The following MORC1 variants were observed in gnomAD, a reference collection of about 807,000 sequenced individuals.
The protein encoded by MORC1 is MORC family CW-type zinc finger 1, also known as MORC family CW-type zinc finger protein 1.
Under a neutral mutation model 134.9 loss-of-function variants are expected in MORC1, and 59 were observed. The ratio of observed to expected loss-of-function variants is 0.44; its 90% CI spans 0.35 to 0.54. The LOEUF (loss-of-function observed/expected upper bound fraction) is 0.54, where lower values mean the gene tolerates loss of function less well. Ranked by LOEUF, MORC1 falls within the 20% of genes least tolerant of loss-of-function variation. The probability of loss-of-function intolerance (pLI) is 0.00; values close to 1 mark genes in which losing one functional copy is unlikely to be tolerated. For synonymous variants in MORC1, 395 were observed against 391.7 expected (o/e 1.01, Z -0.10); for missense variants, 947 against 1,134.5 (o/e 0.83, Z 2.37).
At chr3:109,027,930 AT>A in intron 16 of MORC1, 41 bp from the exon 17 acceptor site, 1 of 1,595,876 alleles carries the variant, frequency 6.3e-7, no homozygotes, top group Non-Finnish European at 8.6e-7. Flanking sequence ...CAGGAGAAAT[AT>A]AAAACTACTT....
At chr3:109,011,263 T>C (rs943223151) in intron 17 of MORC1, among the ~76,000 whole-genome samples, 10 of 152,308 alleles carry the variant, frequency 6.6e-5, no homozygotes, top group Admixed American at 2.6e-4. Context: ...TGTTTTCCTA[T>C]GTCACTTTAC....
At chr3:108,979,708 T>C in intron 23 of MORC1, 41 bp from the exon 24 acceptor site, 1 of 1,597,992 alleles carries the variant, frequency 6.3e-7, no homozygotes, top group South Asian at 1.1e-5. Context: ...TGTTAGGTAT[T>C]AATAATTTCA....
chr3:109,000,743 C>T lies in MORC1; in HGVS notation c.2086-85G>A, dbSNP rs892748427. The T allele has an allele frequency of 1.9e-5, 18 of 965,154 alleles. No individual in the cohort carries two copies. The Admixed American group carries it at 4.0e-4, about 21-fold the overall frequency. 59.8% of individuals were successfully genotyped at this position (965,154 alleles called of 1,614,324 possible). On this transcript the variant is annotated intron_variant, in intron 20 of 27. Transcript: ENST00000232603. ...AAACTACCTTCACTCTTCATTCTGC[C>T]TCTACTTACTGCAGACTTTTGTAGG...
chr3:109,031,063 T>C (rs1019352380), intron 16 of MORC1, among the ~76,000 whole-genome samples: 2 of 152,202 alleles, frequency 1.3e-5, no homozygotes, highest in East Asian at 3.9e-4. Flanking sequence ...GTGGTACTGT[T>C]ACTTTTCAGA....
intron 22 of MORC1, 54 bp downstream of exon 22, chr3:108,986,826 T>C (rs769531146): frequency 2.3e-5 from 28 of 1,239,152 alleles, no homozygotes; most frequent in Non-Finnish European, 3.0e-5. Flanking sequence ...ATATTGAAAA[T>C]GTCTCAAACA....
chr3:109,017,025 A>T (rs1258491065), intron 17 of MORC1, among the ~76,000 whole-genome samples: 1 of 152,186 alleles, frequency 6.6e-6, no homozygotes, highest in African/African-American at 2.4e-5. Flanking sequence ...CTCTAGCTGT[A>T]ACCCCATGTT....
At chr3:109,026,503 T>C (rs1372203848) in intron 17 of MORC1, among the ~76,000 whole-genome samples, 3 of 152,162 alleles carry the variant, frequency 2.0e-5, no homozygotes, top group Non-Finnish European at 4.4e-5. Flanking sequence ...GTCTTGATGA[T>C]TGGCATTATT....
At chr3:109,059,276 G>C (rs1950027257) in intron 12 of MORC1, among the ~76,000 whole-genome samples, 1 of 152,070 alleles carries the variant, frequency 6.6e-6, no homozygotes, top group Non-Finnish European at 1.5e-5. Context: ...CATTTGAGTT[G>C]GAGAGCAAGT....
intron 14 of MORC1, among the ~76,000 whole-genome samples, chr3:109,044,960 AG>A (rs71725204): frequency 0.16 from 22,162 of 142,812 alleles, 2,053 homozygotes; most frequent in Middle Eastern, 0.24. Flanking sequence ...AAAAAAAAAA[AG>A]AAAAAGAAAT....
At chr3:109,115,328 AACACACAC>A (rs58831825) in intron 1 of MORC1, among the ~76,000 whole-genome samples, 157 of 148,406 alleles carry the variant, frequency 1.1e-3, no homozygotes, top group Middle Eastern at 3.5e-3. Context: ...GTATTTTTAA[AACACACAC>A]ACACACACAC....
At chr3:108,979,719 GA>G (rs769042813) in intron 23 of MORC1, 52 bp from the exon 24 acceptor site, 15 of 1,587,892 alleles carry the variant, frequency 9.4e-6, no homozygotes, top group African/African-American at 2.7e-5. Context: ...AATAATTTCA[GA>G]AACACTAATA....
intron 17 of MORC1, among the ~76,000 whole-genome samples, chr3:109,024,472 C>G (rs1461440770): frequency 6.6e-6 from 1 of 152,192 alleles, no homozygotes; most frequent in Non-Finnish European, 1.5e-5. Context: ...CTCTTACCAT[C>G]TAATCATTAG....
At chr3:108,988,222 T>C (rs1947948593) in intron 21 of MORC1, among the ~76,000 whole-genome samples, 1 of 152,114 alleles carries the variant, frequency 6.6e-6, no homozygotes, top group African/African-American at 2.4e-5. Context: ...AGCAACAAAA[T>C]AACTGTGTAG....
intron 14 of MORC1, among the ~76,000 whole-genome samples, chr3:109,053,874 T>C (rs13098402): frequency 0.15 from 23,334 of 152,238 alleles, 1,972 homozygotes; most frequent in African/African-American, 0.21. Flanking sequence ...AATCACATTT[T>C]TCAGATAACT....
At position 108,996,286 on chromosome 3, in the gene MORC1, G is replaced by GCGCGCGCACACACACA; in HGVS notation, c.2187+4270_2187+4271insTGTGTGTGTGCGCGCG. ...CATGTGCGCGTGCGTGCGCGCGCGC[G>GCGCGCGCACACACACA]CACACACACACACACACACACAACT... On this transcript the variant is annotated intron_variant, in intron 21 of 27. Coordinates refer to ENST00000232603, the MANE Select transcript of MORC1 (RefSeq NM_014429.4). 1.8e-3 allele frequency among the ~76,000 whole-genome samples: 267 copies of GCGCGCGCACACACACA among 146,452 alleles called. 1 individual carries two copies. Among genetic ancestry groups the GCGCGCGCACACACACA allele is most frequent in the Non-Finnish European group, 3.0e-3 (198 of 66,524 alleles).
Position 108,968,650 on chromosome 3 carries a change from C to G in MORC1, c.2604+1019G>C, listed in dbSNP as rs1947283074. Among the ~76,000 whole-genome samples the G allele has an allele frequency of 2.0e-5, 3 of 152,258 alleles. 1 individual carries two copies. The South Asian group carries it at 6.2e-4, about 32-fold the overall frequency. ...GCTTAGAGTCATTCTTTGCACAACTCCAGGAAGGGCCAGTCACCTCTCAAT... is the reference window on the plus strand; with the variant it reads ...GCTTAGAGTCATTCTTTGCACAACTGCAGGAAGGGCCAGTCACCTCTCAAT... On this transcript the variant is annotated intron_variant, in intron 26 of 27. Coordinates refer to ENST00000232603, the MANE Select transcript of MORC1 (RefSeq NM_014429.4).
At chr3:109,092,038 T>C (rs1334813516) in intron 8 of MORC1, among the ~76,000 whole-genome samples, 4 of 152,162 alleles carry the variant, frequency 2.6e-5, no homozygotes, top group African/African-American at 9.7e-5. Context: ...AGATAACTGT[T>C]TCAAAATGCT....
At chr3:108,974,115 A>G (rs1009979707) in intron 24 of MORC1, among the ~76,000 whole-genome samples, 1 of 151,766 alleles carries the variant, frequency 6.6e-6, no homozygotes, top group Non-Finnish European at 1.5e-5. Flanking sequence ...ACTCCCTGGT[A>G]TTGAGCCTTT....
At chr3:109,063,297 C>A in intron 9 of MORC1, 66 bp from the exon 10 acceptor site, 1 of 1,051,804 alleles carries the variant, frequency 9.5e-7, no homozygotes, top group Admixed American at 1.7e-5. Context: ...AGACAATATT[C>A]TTTAGTAAGA....
Sources: gnomAD v4.1 joint callset for allele counts (sites outside exome capture counted in the v4.1 genomes callset) on GRCh38, gnomAD v4.1.1 for gene constraint, MANE v1.5 for transcripts, NCBI Gene and HGNC (gene_info 2026-07-23, HGNC 2026-07-21) for gene names.